Variants in WNT7B observed in about 807,000 individuals in gnomAD.
The protein encoded by WNT7B is Wnt family member 7B.
In WNT7B, 19 loss-of-function variants were observed where a neutral mutation model predicts 38.2. The ratio of observed to expected loss-of-function variants is 0.50; its 90% confidence interval spans 0.35 to 0.73. The LOEUF (loss-of-function observed/expected upper bound fraction) is 0.73, where lower values mean the gene tolerates loss of function less well. Among genes scored for constraint, WNT7B ranks in the 30% least tolerant of loss-of-function variants. The probability of loss-of-function intolerance (pLI) is 0.01; values close to 1 mark genes in which losing one functional copy is unlikely to be tolerated. For missense variants in WNT7B, 423 were observed against 507.9 expected (o/e 0.83, Z 1.61); for synonymous variants, 243 against 209.3 (o/e 1.16, Z -1.39).
chr22:45,934,699 C>T (rs1303373961), intron 2 of WNT7B, among the ~76,000 whole-genome samples: 1 of 152,214 alleles, frequency 6.6e-6, no homozygotes, highest in African/African-American at 2.4e-5. Context: ...CTCCCGCAAG[C>T]GCCTGCTCTC....
In WNT7B at chr22:45,966,237, G is replaced by C. The variant is rs149567184; in HGVS notation, c.71+10447C>G. 4.0e-3 allele frequency among the ~76,000 whole-genome samples: 606 copies of C among 152,344 alleles called. 3 individuals carry two copies. Among genetic ancestry groups the C allele is most frequent in the African/African-American group, 0.014 (587 of 41,574 alleles). On this transcript the variant is annotated intron_variant, in intron 1 of 3. Transcript: ENST00000339464. This position sits in a 1 kb window ranked among gnomAD's most constrained non-coding sequence, Gnocchi z 4.2. ...CCCCAGGCGGGGGTCTGCAGGGCAG[G>C]CAGTGCATTCTGGAGGACTTCCCAA...
intron 3 of WNT7B, among the ~76,000 whole-genome samples, chr22:45,929,263 C>T (rs920401064): frequency 1.3e-5 from 2 of 152,194 alleles, no homozygotes; most frequent in Non-Finnish European, 2.9e-5. Context: ...TCCTTTATGG[C>T]ATGGACTGTG....
intron 3 of WNT7B, among the ~76,000 whole-genome samples, chr22:45,930,149 C>A (rs1272772672): frequency 6.6e-6 from 1 of 152,250 alleles, no homozygotes; most frequent in Non-Finnish European, 1.5e-5. Context: ...CCCTCACCGT[C>A]CTGGGTGTGA....
At chr22:45,927,687 G>A in intron 3 of WNT7B, 2 of 702,422 alleles carry the variant, frequency 2.8e-6, no homozygotes, top group Admixed American at 4.0e-5. Context: ...CCTGAGGTTA[G>A]GGGTTCAAGA....
rs1465656315 is a variant in WNT7B at position 45,925,150 on chromosome 22, G to C, written c.571-1815C>G. The C allele has an allele frequency of 4.1e-6, 4 of 973,548 alleles. No homozygotes were observed. The African/African-American group carries it at 7.1e-5, about 17-fold the overall frequency. The allele number at this position is 973,548 out of a possible 1,614,324, so 60.3% of individuals were successfully genotyped here. A position where few individuals can be genotyped will look rare whatever the true frequency, so the allele number is the denominator to read the frequency against. ...CCCTAGGCTGGCAGGTGGGTGCTGGGTGGGCCCAAAGGCTCATCAGGTGGG... is the reference window on the plus strand; with the variant it reads ...CCCTAGGCTGGCAGGTGGGTGCTGGCTGGGCCCAAAGGCTCATCAGGTGGG... On this transcript the variant is annotated intron_variant, in intron 3 of 3. Coordinates refer to ENST00000339464, the MANE Select transcript of WNT7B (RefSeq NM_058238.3).
In WNT7B at chr22:45,922,740, C is replaced by T. The variant is rs893946292; in HGVS notation, c.*116G>A. 4.7e-5 allele frequency: 70 copies of T among 1,477,692 alleles called. No individual in the cohort carries two copies. The East Asian group carries it at 6.3e-4, about 13-fold the overall frequency. The allele number at this position is 1,477,692 out of a possible 1,614,324, so 91.5% of individuals were successfully genotyped here. ...GTGCCCTCCTGCACCTGGAGCTCCCCGCTTCTGCACCCGTCTATGTCTGCT... is the reference window on the plus strand; with the variant it reads ...GTGCCCTCCTGCACCTGGAGCTCCCTGCTTCTGCACCCGTCTATGTCTGCT... On this transcript the variant is annotated 3_prime_UTR_variant, in exon 4 of 4. Transcript: ENST00000339464.
At chr22:45,959,155 T>C (rs2074654431) in intron 1 of WNT7B, among the ~76,000 whole-genome samples, 1 of 152,142 alleles carries the variant, frequency 6.6e-6, no homozygotes, top group South Asian at 2.1e-4. Flanking sequence ...CGGGAGACAC[T>C]CTTCCCCGAC....
At chr22:45,935,081 G>A (rs55838621) in intron 2 of WNT7B, among the ~76,000 whole-genome samples, 2 of 152,312 alleles carry the variant, frequency 1.3e-5, no homozygotes, top group African/African-American at 4.8e-5. Context: ...AGGGCAGAAG[G>A]GCTGCAGGCT....
rs538286372 is a variant in WNT7B, at chr22:45,925,368, G to C, written c.571-2033C>G. ...GACTGGAGAGACTGGGGAGACTGGA[G>C]AGACTTGAGGGAGGTGGGAGAGGGA... On this transcript the variant is annotated intron_variant, in intron 3 of 3. Coordinates refer to ENST00000339464, the MANE Select transcript of WNT7B (RefSeq NM_058238.3). The C allele has an allele frequency of 5.2e-4, 513 of 985,378 alleles. 1 individual carries two copies. The highest frequency in any genetic ancestry group is 5.9e-4 in the Non-Finnish European group (492 of 829,892). 61.0% of individuals were successfully genotyped at this position (985,378 alleles called of 1,614,324 possible).
intron 1 of WNT7B, among the ~76,000 whole-genome samples, chr22:45,967,167 G>A (rs1451895941): frequency 2.0e-5 from 3 of 152,326 alleles, no homozygotes; most frequent in East Asian, 1.9e-4. Flanking sequence ...CGCCAGGGAC[G>A]GAGGACAAAC....
At chr22:45,973,044 A>G (rs1478311037) in intron 1 of WNT7B, among the ~76,000 whole-genome samples, 2 of 152,166 alleles carry the variant, frequency 1.3e-5, no homozygotes, top group South Asian at 4.1e-4. Context: ...GCTGGTGCTG[A>G]GCTTGCACGA....
chr22:45,955,143 C>T (rs1175156110), intron 1 of WNT7B, among the ~76,000 whole-genome samples: 1 of 152,240 alleles, frequency 6.6e-6, no homozygotes, highest in Non-Finnish European at 1.5e-5. Context: ...CAGGCGGCTC[C>T]CATGCAGCTG....
chr22:45,943,675 G>T (rs1396416396), intron 2 of WNT7B, among the ~76,000 whole-genome samples: 1 of 152,216 alleles, frequency 6.6e-6, no homozygotes, highest in African/African-American at 2.4e-5. Flanking sequence ...GGCCCTTGGG[G>T]GCAACATGGC....
intron 2 of WNT7B, among the ~76,000 whole-genome samples, chr22:45,940,588 A>C (rs1931621233): frequency 6.6e-6 from 1 of 152,156 alleles, no homozygotes; most frequent in South Asian, 2.1e-4. Flanking sequence ...CCATCCATCA[A>C]GTAGTTGCCC....
chr22:45,931,154 T>G lies in WNT7B; in HGVS notation c.514A>C (p.Ile172Leu). Residue 172 changes from isoleucine to leucine, a missense_variant, in exon 3 of 4, where the codon ATC (isoleucine) becomes CTC (leucine). This residue lies in a region of WNT7B where 132 missense variants were observed against 113.4 expected (regional missense o/e 1.16). Transcript: ENST00000339464. ...ATGAGGCGCCGCGCGTTCTTCTTGATCTCCCGAGCGTCCACGAAGCGCCGG... is the reference window on the plus strand; with the variant it reads ...ATGAGGCGCCGCGCGTTCTTCTTGAGCTCCCGAGCGTCCACGAAGCGCCGG... The part of the protein sequence containing the change: ...FSRRFVDARE[I>L]KKNARRLMNL... 3.8e-6 allele frequency: 6 copies of G among 1,596,752 alleles called. No homozygotes were observed. The highest frequency in any genetic ancestry group is 5.1e-6 in the Non-Finnish European group (6 of 1,177,152).
rs1671708259 is a variant in WNT7B, at chr22:45,975,450, A to G, written c.71+1234T>C. ...CCGGCAGCCGCAGACACGCCCGCCC[A>G]GACCTGCAGGGCTCAGGCTAGGACG... On this transcript the variant is annotated intron_variant, in intron 1 of 3. Coordinates refer to ENST00000339464, the MANE Select transcript of WNT7B (RefSeq NM_058238.3). The surrounding 1 kb of genome is among the most constrained non-coding windows in gnomAD (Gnocchi z 6.6). 1 of 677,636 alleles carries G rather than the reference A, an allele frequency of 1.5e-6. No individual in the cohort carries two copies. The highest frequency in any genetic ancestry group is 2.8e-6 in the Non-Finnish European group (1 of 361,918). 42.0% of individuals were successfully genotyped at this position (677,636 alleles called of 1,614,324 possible).
In WNT7B at chr22:45,965,462, C is replaced by T. The variant is rs2146749315; in HGVS notation, c.71+11222G>A. On this transcript the variant is annotated intron_variant, in intron 1 of 3. Transcript: ENST00000339464. The surrounding 1 kb of genome is among the most constrained non-coding windows in gnomAD (Gnocchi z 6.5). ...GGGAAAGTTCAGGGTGGTGGTGGAGCCAGCAGGAAGGGGAGGAGGGAGGAA... is the reference window on the plus strand; with the variant it reads ...GGGAAAGTTCAGGGTGGTGGTGGAGTCAGCAGGAAGGGGAGGAGGGAGGAA... Among the ~76,000 whole-genome samples the T allele has an allele frequency of 6.6e-6, 1 of 152,236 alleles. No homozygotes were observed. Among genetic ancestry groups the T allele is most frequent in the Admixed American group, 6.5e-5 (1 of 15,290 alleles).
At chr22:45,967,854 C>A (rs1409183877) in intron 1 of WNT7B, among the ~76,000 whole-genome samples, 3 of 152,160 alleles carry the variant, frequency 2.0e-5, no homozygotes, top group Non-Finnish European at 4.4e-5. Flanking sequence ...ATCACCTCGC[C>A]CCCCATCAGC....
chr22:45,946,009 G>C (rs1263727615), intron 2 of WNT7B, among the ~76,000 whole-genome samples: 1 of 152,228 alleles, frequency 6.6e-6, no homozygotes, highest in Non-Finnish European at 1.5e-5. Context: ...GGGGGCCCAA[G>C]AGCACGCAGT....
Sources: gnomAD v4.1 joint callset for allele counts (sites outside exome capture counted in the v4.1 genomes callset) on GRCh38, gnomAD v4.1.1 for gene constraint, gnomAD v4.1.1 regional missense constraint, Gnocchi (gnomAD v3.1) non-coding constraint, MANE v1.5 for transcripts, NCBI Gene and HGNC (gene_info 2026-07-23, HGNC 2026-07-21) for gene names.